The following CNOT1 variants were observed in gnomAD, a reference collection of about 807,000 sequenced individuals.
CNOT1 encodes CCR4-NOT transcription complex subunit 1, also known as CCR4-associated factor 1.
In CNOT1, 15 loss-of-function variants were observed where a neutral mutation model predicts 273.8. The ratio of observed to expected loss-of-function variants is 0.05; its 90% CI spans 0.04 to 0.08. The LOEUF (loss-of-function observed/expected upper bound fraction) is 0.08, where lower values mean the gene tolerates loss of function less well. Among genes scored for constraint, CNOT1 ranks in the 10% least tolerant of loss-of-function variants. CNOT1 has a pLI of 1.00. For missense variants in CNOT1, 1,644 were observed against 2,912.2 expected (o/e 0.56, Z 10.02); for synonymous variants, 1,022 against 1,005.5 (o/e 1.02, Z -0.31).
At chr16:58,606,011 G>T (rs1477741133) in intron 1 of CNOT1, among the ~76,000 whole-genome samples, 1 of 152,080 alleles carries the variant, frequency 6.6e-6, no homozygotes, top group Admixed American at 6.6e-5. Context: ...ACGATGCACA[G>T]TGCAAATGAA....
At chr16:58,570,664 A>G (rs558298789) in intron 16 of CNOT1, among the ~76,000 whole-genome samples, 47 of 152,336 alleles carry the variant, frequency 3.1e-4, no homozygotes, top group African/African-American at 1.1e-3. Flanking sequence ...TTTGGTGATC[A>G]CATAATGTAT....
chr16:58,573,477 A>ATTT (rs34706886), intron 16 of CNOT1, among the ~76,000 whole-genome samples: 13 of 112,902 alleles, frequency 1.2e-4, no homozygotes, highest in African/African-American at 2.7e-4. Flanking sequence ...CTGTTTTGCA[A>ATTT]TTTTTTTTTT....
chr16:58,559,936 C>T, intron 17 of CNOT1: 1 of 866,448 alleles, frequency 1.2e-6, no homozygotes, highest in Non-Finnish European at 1.8e-6. Flanking sequence ...GTGCTTATGT[C>T]TCAAGAGTCT....
intron 43 of CNOT1, among the ~76,000 whole-genome samples, chr16:58,529,611 A>G (rs778620163): frequency 2.6e-5 from 4 of 152,078 alleles, no homozygotes; most frequent in Non-Finnish European, 4.4e-5. Context: ...GCTGAGGCAG[A>G]CTGATCACTT....
At chr16:58,586,058 C>T (rs563806263) in intron 7 of CNOT1, among the ~76,000 whole-genome samples, 3 of 150,262 alleles carry the variant, frequency 2.0e-5, no homozygotes, top group South Asian at 2.1e-4. Flanking sequence ...TTTATCTTAA[C>T]TTTACAATGC....
chr16:58,587,886 A>C lies in CNOT1; in HGVS notation c.211-8T>G, dbSNP rs1443077312. ...CTGAATCAGAAACTGAGTCTTTAAA[A>C]ATAAAAAATGATTTTCATTAGCACT... On this transcript the variant is annotated splice_polypyrimidine_tract_variant and splice_region_variant and intron_variant, in intron 3 of 48. Transcript: ENST00000317147. 6 of 1,610,380 alleles carry C rather than the reference A, an allele frequency of 3.7e-6. No homozygotes were observed. The highest frequency in any genetic ancestry group is 5.1e-6 in the Non-Finnish European group (6 of 1,179,420).
intron 29 of CNOT1, 84 bp downstream of exon 29, chr16:58,546,237 T>C (rs2040254020): frequency 2.6e-6 from 3 of 1,175,838 alleles, no homozygotes; most frequent in South Asian, 1.4e-5. Flanking sequence ...TGGGAAATTA[T>C]AGTTTGCGAT....
chr16:58,597,441 T>C (rs1253125779), intron 2 of CNOT1: 1 of 193,280 alleles, frequency 5.2e-6, no homozygotes, highest in South Asian at 8.7e-5. Flanking sequence ...CGCCACGGTA[T>C]GCCAGCCTGA....
intron 2 of CNOT1, among the ~76,000 whole-genome samples, chr16:58,590,829 C>A (rs2042027961): frequency 6.6e-6 from 1 of 152,144 alleles, no homozygotes; most frequent in South Asian, 2.1e-4. Flanking sequence ...ATCTCTCACC[C>A]TTGAAAAAAT....
chr16:58,556,119 G>A (rs1191477459), intron 19 of CNOT1, among the ~76,000 whole-genome samples: 1 of 152,220 alleles, frequency 6.6e-6, no homozygotes, highest in Non-Finnish European at 1.5e-5. Flanking sequence ...TTCTACATTA[G>A]TATTATCTTC....
chr16:58,590,595 C>CAAA, intron 2 of CNOT1, among the ~76,000 whole-genome samples: 1 of 135,864 alleles, frequency 7.4e-6, no homozygotes, highest in African/African-American at 2.7e-5. Flanking sequence ...ACTCTGTCTC[C>CAAA]AAAAAAAAAA....
chr16:58,532,149 A>C (rs2039794017), intron 41 of CNOT1, 74 bp from the exon 42 acceptor site: 2 of 1,606,450 alleles, frequency 1.2e-6, no homozygotes, highest in African/African-American at 2.7e-5. Context: ...ATGTAGGCTC[A>C]AAATGCTCAA....
intron 6 of CNOT1, 71 bp from the exon 7 acceptor site, chr16:58,586,819 CA>C: frequency 1.3e-6 from 2 of 1,492,066 alleles, no homozygotes; most frequent in South Asian, 2.4e-5. Context: ...CATATACCAT[CA>C]AAATGCAGAT....
rs1211936128 is a variant in CNOT1 at position 58,576,496 on chromosome 16, C to T, written c.1671G>A (p.Leu557=). Reference sequence around the variant, plus strand: ...CCTGGGCCACATCAAGTATTCGAGACAATTTGGCCTGATCATACTGCTCCC... The same window carrying T: ...CCTGGGCCACATCAAGTATTCGAGATAATTTGGCCTGATCATACTGCTCCC... The part of the protein sequence containing the change: ...MRGEQYDQAK[L]SRILDVAQDL... The change falls in exon 14 of 49, where the codon TTG becomes TTA. Residue 557 remains leucine (L), a synonymous_variant. Coordinates refer to ENST00000317147, the MANE Select transcript of CNOT1 (RefSeq NM_016284.5). The T allele has an allele frequency of 6.2e-7, 1 of 1,614,116 alleles. No homozygotes were observed.
At chr16:58,561,006 C>A (rs1295754459) in intron 16 of CNOT1, among the ~76,000 whole-genome samples, 4 of 152,046 alleles carry the variant, frequency 2.6e-5, no homozygotes, top group Admixed American at 2.0e-4. Flanking sequence ...GTCTGGGTGA[C>A]AGAGTAAGAC....
Position 58,578,709 on chromosome 16 carries a change from C to G in CNOT1, c.1574G>C (p.Trp525Ser), listed in dbSNP as rs1236759358. The change falls in exon 13 of 49, where the codon TGG (tryptophan) becomes TCG (serine). Residue 525 changes from tryptophan to serine, a missense_variant. This residue lies in a region of CNOT1 where 706 missense variants were observed against 1,021.2 expected (regional missense o/e 0.69). Coordinates refer to ENST00000317147, the MANE Select transcript of CNOT1 (RefSeq NM_016284.5). Reference sequence around the variant, plus strand: ...ACGGTCACATCTTACCTGCCCATGCCATGCATAGTGCAAAATAATAGCTGA... The same window carrying G: ...ACGGTCACATCTTACCTGCCCATGCGATGCATAGTGCAAAATAATAGCTGA... ...PNSAIILHYA[W>S]HGQGQSPSIR... 6.2e-7 allele frequency: 1 copy of G among 1,614,054 alleles called. No individual in the cohort carries two copies. The highest frequency in any genetic ancestry group is 1.7e-5 in the Admixed American group (1 of 60,016).
At chr16:58,551,894 G>T in intron 22 of CNOT1, 75 bp from the exon 23 acceptor site, 1 of 1,571,008 alleles carries the variant, frequency 6.4e-7, no homozygotes, top group Admixed American at 1.8e-5. Context: ...TTTTCTGAGA[G>T]GGTAAAAAAC....
intron 1 of CNOT1, among the ~76,000 whole-genome samples, chr16:58,609,575 G>A (rs1044155196): frequency 6.6e-6 from 1 of 151,540 alleles, no homozygotes; most frequent in Admixed American, 6.6e-5. Flanking sequence ...TGATCCTCCC[G>A]CCTTAGCCTC....
chr16:58,530,981 A>G (rs2039762904), intron 42 of CNOT1, among the ~76,000 whole-genome samples: 1 of 151,938 alleles, frequency 6.6e-6, no homozygotes, highest in Non-Finnish European at 1.5e-5. Context: ...AAAACAGTCA[A>G]CTGCAGAAAC....
Sources: allele counts gnomAD v4.1 joint callset (sites outside exome capture counted in the v4.1 genomes callset), GRCh38; gene constraint gnomAD v4.1.1; regional missense constraint gnomAD v4.1.1; transcripts MANE v1.5; gene names NCBI Gene and HGNC (gene_info 2026-07-23, HGNC 2026-07-21).